Variants in PHC2 observed in about 807,000 individuals in gnomAD.
The protein encoded by PHC2 is polyhomeotic-like protein 2.
Under a neutral mutation model 87.4 loss-of-function variants are expected in PHC2, and 29 were observed. That is an observed-to-expected ratio of 0.33 (90% CI 0.25 to 0.45). PHC2 has a LOEUF of 0.45. Ranked by LOEUF, PHC2 falls within the 20% of genes least tolerant of loss-of-function variation. The probability of loss-of-function intolerance (pLI) is 1.00; values close to 1 mark genes in which losing one functional copy is unlikely to be tolerated. For synonymous variants in PHC2, 438 were observed against 461.7 expected (o/e 0.95, Z 0.66); for missense variants, 857 against 1,136.7 (o/e 0.75, Z 3.54).
In PHC2 at chr1:33,331,531, C is replaced by T. The variant is rs561710113; in HGVS notation, c.1892-69G>A. 51 of 857,000 alleles carry T rather than the reference C, an allele frequency of 6.0e-5. No individual in the cohort carries two copies. Among genetic ancestry groups the T allele is most frequent in the South Asian group, 3.6e-4 (25 of 69,578 alleles). 53.1% of individuals were successfully genotyped at this position (857,000 alleles called of 1,614,324 possible). Reference sequence around the variant, plus strand: ...TGCAGGACTGTGGCCAGCCCCACCACGGGGCCTCCCTACTCCATCCTGCCT... The same window carrying T: ...TGCAGGACTGTGGCCAGCCCCACCATGGGGCCTCCCTACTCCATCCTGCCT... On this transcript the variant is annotated intron_variant, in intron 11 of 14. Coordinates refer to ENST00000683057, the MANE Select transcript of PHC2 (RefSeq NM_001385109.1). This position sits in a 1 kb window ranked among gnomAD's most constrained non-coding sequence, Gnocchi z 5.2.
chr1:33,403,576 C>T (rs1245646588), intron 1 of PHC2, among the ~76,000 whole-genome samples: 5 of 152,150 alleles, frequency 3.3e-5, no homozygotes, highest in African/African-American at 1.2e-4. Context: ...TCAAATACTA[C>T]ATATACATTA....
chr1:33,405,848 G>A (rs915594380), intron 1 of PHC2, among the ~76,000 whole-genome samples: 6 of 152,194 alleles, frequency 3.9e-5, no homozygotes, highest in Non-Finnish European at 7.3e-5. Flanking sequence ...TGTGGTCAGA[G>A]AGCATAATTA....
intron 7 of PHC2, among the ~76,000 whole-genome samples, chr1:33,365,561 C>G (rs1312729560): frequency 1.3e-5 from 2 of 152,142 alleles, no homozygotes; most frequent in East Asian, 3.9e-4. Context: ...GCTTTCAACG[C>G]ATTGAAAGAG....
chr1:33,376,429 C>T (rs1050079421), intron 1 of PHC2, among the ~76,000 whole-genome samples: 1 of 152,242 alleles, frequency 6.6e-6, no homozygotes, highest in Non-Finnish European at 1.5e-5. Flanking sequence ...CTGGCTGATT[C>T]TAAAGCCTAT....
chr1:33,352,852 C>T (rs556788099), intron 9 of PHC2, among the ~76,000 whole-genome samples: 8 of 152,220 alleles, frequency 5.3e-5, no homozygotes, highest in Admixed American at 1.3e-4. Flanking sequence ...TTCAGAGCCG[C>T]GGGACCTGGA....
At chr1:33,389,790 G>T (rs1382938841) in intron 1 of PHC2, among the ~76,000 whole-genome samples, 1 of 152,004 alleles carries the variant, frequency 6.6e-6, no homozygotes, top group African/African-American at 2.4e-5. Context: ...TTTTATACTC[G>T]TAAGTTTGCC....
chr1:33,426,497 G>T (rs1650677004), intron 1 of PHC2, among the ~76,000 whole-genome samples: 1 of 152,184 alleles, frequency 6.6e-6, no homozygotes, highest in African/African-American at 2.4e-5. Flanking sequence ...AAAAGGAATA[G>T]AAATGAACTT....
chr1:33,406,450 A>G (rs1649767139), intron 1 of PHC2, among the ~76,000 whole-genome samples: 1 of 152,128 alleles, frequency 6.6e-6, no homozygotes, highest in Non-Finnish European at 1.5e-5. Context: ...TATGCACTGT[A>G]GTTTACAATG....
chr1:33,336,448 G>A (rs1441729686), intron 9 of PHC2: 1 of 42,564 alleles, frequency 2.3e-5, no homozygotes, highest in Non-Finnish European at 4.8e-5. Context: ...TAAGAGAAAG[G>A]ACCAATGAAG....
Position 33,413,801 on chromosome 1 carries a change from A to T in PHC2, c.-55+17175T>A, listed in dbSNP as rs75048846. ...TTTGATCCACTGTATGTAAACCATG[A>T]ACTTCAAATTATTTTCCTAATGAAA... is the stretch of plus-strand genomic sequence containing the variant. On this transcript the variant is annotated intron_variant, in intron 1 of 14. Transcript: ENST00000683057. 1.4e-4 allele frequency among the ~76,000 whole-genome samples: 21 copies of T among 152,318 alleles called. No homozygotes were observed. In the East Asian group the frequency reaches 3.9e-3, roughly 28 times the overall value.
chr1:33,429,568 C>T (rs535170464), intron 1 of PHC2, among the ~76,000 whole-genome samples: 32 of 152,304 alleles, frequency 2.1e-4, no homozygotes, highest in Non-Finnish European at 4.1e-4. Context: ...CTAATTGTTC[C>T]CTCCTCTGTG....
At chr1:33,396,430 T>C (rs1175798187) in intron 1 of PHC2, among the ~76,000 whole-genome samples, 2 of 152,212 alleles carry the variant, frequency 1.3e-5, no homozygotes, top group African/African-American at 2.4e-5. Flanking sequence ...AGCTGCCCCA[T>C]TTATTCTGCA....
intron 9 of PHC2, chr1:33,346,627 G>C: frequency 1.3e-5 from 13 of 985,414 alleles, no homozygotes; most frequent in Non-Finnish European, 1.6e-5. Context: ...ACAGGAACTG[G>C]AGTCACCAAC....
chr1:33,430,484 G>A (rs1423944289), intron 1 of PHC2, among the ~76,000 whole-genome samples: 1 of 152,040 alleles, frequency 6.6e-6, no homozygotes. Context: ...GGTCAGGCCC[G>A]ACGCCCGGGT....
At chr1:33,387,706 C>T (rs1349251674) in intron 1 of PHC2, among the ~76,000 whole-genome samples, 4 of 152,080 alleles carry the variant, frequency 2.6e-5, no homozygotes, top group Admixed American at 6.5e-5. Context: ...GGTGTAGGAT[C>T]GGAAACACAG....
chr1:33,343,845 G>A (rs909368620), intron 9 of PHC2, among the ~76,000 whole-genome samples: 1 of 152,190 alleles, frequency 6.6e-6, no homozygotes, highest in African/African-American at 2.4e-5. Flanking sequence ...CACTGTTGAG[G>A]TCAGGCTTCA....
chr1:33,381,379 A>T (rs777597905), intron 1 of PHC2, among the ~76,000 whole-genome samples: 5 of 151,976 alleles, frequency 3.3e-5, no homozygotes, highest in African/African-American at 4.8e-5. Flanking sequence ...CTCATCCACA[A>T]ATTTCTCACC....
intron 13 of PHC2, 88 bp from the exon 14 acceptor site, chr1:33,329,234 CTTGGCCTACTACT>C: frequency 7.2e-7 from 1 of 1,386,842 alleles, no homozygotes; most frequent in East Asian, 2.4e-5. Flanking sequence ...CCTTTTTCTA[CTTGGCCTACTACT>C]ACACATCTGA....
chr1:33,345,544 A>G (rs1216875445), intron 9 of PHC2: 2 of 985,118 alleles, frequency 2.0e-6, no homozygotes, highest in Non-Finnish European at 2.4e-6. Context: ...GCTGGTCTAC[A>G]TGGTCTTACA....
Sources: allele counts gnomAD v4.1 joint callset (sites outside exome capture counted in the v4.1 genomes callset), GRCh38; gene constraint gnomAD v4.1.1; non-coding constraint Gnocchi (gnomAD v3.1); transcripts MANE v1.5; gene names NCBI Gene and HGNC (gene_info 2026-07-23, HGNC 2026-07-21).